Variants in PRP4K observed in about 807,000 individuals in gnomAD.
The protein encoded by PRP4K is pre-mRNA processing factor kinase PRP4K.
chr6:4,061,923 A>C, the PRP4K span: 2 of 152,628 alleles, frequency 1.3e-5, no homozygotes, highest in African/African-American at 4.8e-5. Context: ...AGCCATTTTT[A>C]AAAGTTTTTG....
the PRP4K span, among the ~76,000 whole-genome samples, chr6:4,042,776 G>C: frequency 1.3e-5 from 2 of 152,256 alleles, no homozygotes; most frequent in South Asian, 4.1e-4. Flanking sequence ...AATTCTGGTT[G>C]TTTATACATA....
chr6:4,037,328 C>G, the PRP4K span: 16 of 1,378,532 alleles, frequency 1.2e-5, no homozygotes, highest in Non-Finnish European at 1.5e-5. Flanking sequence ...TACAGATGTT[C>G]TTTGCATATA....
the PRP4K span, chr6:4,049,326 C>G: frequency 2.0e-6 from 1 of 501,618 alleles, no homozygotes; most frequent in East Asian, 3.2e-5. Context: ...GATGTACAAC[C>G]TAAATATATT....
At chr6:4,054,796 T>C in the PRP4K span, among the ~76,000 whole-genome samples, 29 of 152,178 alleles carry the variant, frequency 1.9e-4, no homozygotes, top group Admixed American at 1.9e-3. Flanking sequence ...GAGCCAATTT[T>C]TTGTTTTTTA....
At chr6:4,030,828 T>A in the PRP4K span, among the ~76,000 whole-genome samples, 1 of 152,204 alleles carries the variant, frequency 6.6e-6, no homozygotes, top group Non-Finnish European at 1.5e-5. Flanking sequence ...CCTAATGTCG[T>A]ATGATTGCTT....
the PRP4K span, chr6:4,037,587 CT>C: frequency 9.3e-6 from 15 of 1,604,532 alleles, no homozygotes; most frequent in Non-Finnish European, 1.3e-5. Flanking sequence ...ACATTTCATC[CT>C]TGTGATTCAT....
the PRP4K span, chr6:4,037,378 T>C: frequency 1.3e-6 from 2 of 1,534,092 alleles, no homozygotes; most frequent in Non-Finnish European, 1.8e-6. Context: ...TCTTTTAACT[T>C]GCATTTGATC....
At chr6:4,032,493 A>G in the PRP4K span, 1 of 1,614,138 alleles carries the variant, frequency 6.2e-7, no homozygotes, top group Non-Finnish European at 8.5e-7. Context: ...AAAGAAGCCA[A>G]TTAAATCTCC....
chr6:4,054,155 G>A, the PRP4K span, among the ~76,000 whole-genome samples: 1 of 152,132 alleles, frequency 6.6e-6, no homozygotes, highest in Non-Finnish European at 1.5e-5. Context: ...TCCTGCTGCA[G>A]CCTCCCAAAG....
At chr6:4,049,899 G>A in the PRP4K span, 66 of 1,613,030 alleles carry the variant, frequency 4.1e-5, no homozygotes, top group Non-Finnish European at 5.3e-5. Context: ...GAAGACGTGA[G>A]GAAACCTTTA....
chr6:4,021,876 C>G, the PRP4K span, among the ~76,000 whole-genome samples: 5 of 152,198 alleles, frequency 3.3e-5, no homozygotes, highest in Non-Finnish European at 5.9e-5. Flanking sequence ...GGGCCAAGCC[C>G]TAAGTCTTTT....
the PRP4K span, chr6:4,042,525 C>G: frequency 6.2e-7 from 1 of 1,610,218 alleles, no homozygotes; most frequent in Non-Finnish European, 8.5e-7. Context: ...GATGAAGAAG[C>G]CCTAATAGAA....
chr6:4,061,867 G>A, the PRP4K span: 2 of 152,544 alleles, frequency 1.3e-5, no homozygotes, highest in African/African-American at 4.8e-5. Flanking sequence ...TATGTTCTCA[G>A]TATGCATCAC....
chr6:4,021,794 C>G, the PRP4K span, among the ~76,000 whole-genome samples: 1 of 152,200 alleles, frequency 6.6e-6, no homozygotes, highest in Admixed American at 6.5e-5. Context: ...CTTTTGGGGA[C>G]CCATCTGAGC....
chr6:4,028,947 C>G, the PRP4K span, among the ~76,000 whole-genome samples: 1 of 151,698 alleles, frequency 6.6e-6, no homozygotes, highest in African/African-American at 2.4e-5. Context: ...TTAATTCTCT[C>G]TCAACTACCC....
chr6:4,021,316 C>T, the PRP4K span: 6 of 1,445,134 alleles, frequency 4.2e-6, no homozygotes, highest in African/African-American at 7.0e-5. Context: ...CAGCTCTTCC[C>T]TACACGGTCG....
the PRP4K span, chr6:4,032,544 A>C: frequency 6.2e-7 from 1 of 1,613,662 alleles, no homozygotes; most frequent in Non-Finnish European, 8.5e-7. Flanking sequence ...TAGGTCACCC[A>C]GCAGAAGACC....
chr6:4,027,608 T>TG, the PRP4K span, among the ~76,000 whole-genome samples: 40 of 30,926 alleles, frequency 1.3e-3, no homozygotes, highest in African/African-American at 1.6e-3. Flanking sequence ...GGTGGGGGGG[T>TG]GGGGTGGGGG....
the PRP4K span, among the ~76,000 whole-genome samples, chr6:4,021,932 T>A: frequency 3.3e-5 from 5 of 152,168 alleles, no homozygotes; most frequent in African/African-American, 1.2e-4. Context: ...GGTGTCAGTT[T>A]AGGACCTGAA....
Sources: gnomAD v4.1 joint callset for allele counts (sites outside exome capture counted in the v4.1 genomes callset) on GRCh38, gnomAD v4.1.1 for gene constraint, MANE v1.5 for transcripts, NCBI Gene and HGNC (gene_info 2026-07-23, HGNC 2026-07-21) for gene names.